The following KIF14 variants were observed in gnomAD, a reference collection of about 807,000 sequenced individuals.
KIF14 encodes the protein kinesin family member 14.
KIF14 carries 98 observed loss-of-function variants against 176.2 expected under a neutral mutation model. The observed-to-expected ratio is 0.56, with a 90% CI of 0.47 to 0.66. KIF14 has a LOEUF of 0.66. KIF14 is among the 30% of genes least tolerant of loss of function. The pLI is 0.00. For missense variants in KIF14, 1,751 were observed against 1,920.4 expected (o/e 0.91, Z 1.65); for synonymous variants, 566 against 632.2 (o/e 0.90, Z 1.57).
At position 200,606,750 on chromosome 1, in the gene KIF14, A is replaced by G. The variant is rs868084071; in HGVS notation, c.1603T>C (p.Ser535Pro). The change falls in exon 6 of 30, where the codon TCA becomes CCA. Residue 535 changes from serine (S) to proline (P), a missense_variant. By Grantham distance (74) the Ser-to-Pro change is moderately conservative. Transcript: ENST00000367350. Reference sequence around the variant, plus strand: ...CTTGCTGAGCCAAATACTTACATTGACAGTGCTTCAACATATGGTCCATAA... The same window carrying G: ...CTTGCTGAGCCAAATACTTACATTGGCAGTGCTTCAACATATGGTCCATAA... Reference protein sequence around the residue: ...PVYGPYVEALSMNIVSSYADI... With the variant: ...PVYGPYVEALPMNIVSSYADI... 3.7e-6 allele frequency: 6 copies of G among 1,613,218 alleles called. No individual in the cohort carries two copies. Among genetic ancestry groups the G allele is most frequent in the Non-Finnish European group, 5.1e-6 (6 of 1,179,560 alleles).
At chr1:200,567,849 A>C (rs781167845) in intron 23 of KIF14, among the ~76,000 whole-genome samples, 1 of 140,014 alleles carries the variant, frequency 7.1e-6, no homozygotes, top group African/African-American at 2.5e-5. Flanking sequence ...TTGTAAAGAG[A>C]AAAAAAAAAA....
intron 29 of KIF14, 34 bp from the exon 30 acceptor site, chr1:200,553,801 C>A (rs992828990): frequency 1.3e-6 from 2 of 1,535,990 alleles, no homozygotes; most frequent in Non-Finnish European, 1.8e-6. Context: ...AGTTAATTAG[C>A]CTTTTCAGTT....
At chr1:200,581,912 G>A (rs530265964) in intron 19 of KIF14, among the ~76,000 whole-genome samples, 44 of 151,900 alleles carry the variant, frequency 2.9e-4, no homozygotes, top group African/African-American at 9.2e-4. Flanking sequence ...TGGAACTACA[G>A]GTGCATGCCA....
intron 28 of KIF14, among the ~76,000 whole-genome samples, 171 bp downstream of exon 28, chr1:200,555,209 G>A (rs1458224172): frequency 1.3e-5 from 2 of 152,106 alleles, no homozygotes; most frequent in Non-Finnish European, 2.9e-5. Flanking sequence ...GAACTAGTAA[G>A]TTATGACACA....
At chr1:200,566,237 C>A (rs764331834) in intron 23 of KIF14, among the ~76,000 whole-genome samples, 18 of 151,974 alleles carry the variant, frequency 1.2e-4, no homozygotes, top group Admixed American at 3.3e-4. Context: ...CTGGGTTAAT[C>A]TCTTTCTTTA....
chr1:200,617,475 TA>T, intron 2 of KIF14, 136 bp downstream of exon 2: 2 of 800,046 alleles, frequency 2.5e-6, no homozygotes, highest in South Asian at 2.4e-5. Flanking sequence ...CAACTAGACC[TA>T]AAAGTTCTTT....
chr1:200,560,796 C>T lies in KIF14; in HGVS notation c.4156G>A (p.Gly1386Arg). 1.2e-6 allele frequency: 2 copies of T among 1,614,102 alleles called. No individual in the cohort carries two copies. Among genetic ancestry groups the T allele is most frequent in the Non-Finnish European group, 1.7e-6 (2 of 1,179,962 alleles). Residue 1386 changes from glycine (G) to arginine (R), a missense_variant, in exon 26 of 30, where the codon GGG becomes AGG. By Grantham distance (125) the Gly-to-Arg change is moderately radical. Transcript: ENST00000367350. ...CTCCCTTTCAGAACTGCTAACTGCC[C>T]CACATACTTTACAGCTTGTTGTACA... ...QIVQQAVKYV[G>R]QLAVLKGSKL...
chr1:200,602,757 T>C (rs1659687342), intron 10 of KIF14, among the ~76,000 whole-genome samples: 2 of 152,232 alleles, frequency 1.3e-5, no homozygotes, highest in African/African-American at 4.8e-5. Context: ...ATACATTCAC[T>C]AATGAAAACA....
At chr1:200,571,872 A>T (rs1338144756) in intron 22 of KIF14, among the ~76,000 whole-genome samples, 2 of 152,240 alleles carry the variant, frequency 1.3e-5, no homozygotes, top group Non-Finnish European at 2.9e-5. Flanking sequence ...CCCAAGTAAA[A>T]TGCTTGTCAT....
rs1410170799 is a variant in KIF14, at chr1:200,552,913, TATTTTATTTATTTATTTATTTATTTA to T, written c.*449_*474del. Reference sequence around the variant, plus strand: ...GTTAAACACTTTAAAGATAAAAATATATTTTATTTATTTATTTATTTATTTATTTATTTATTTATTTATTTATTTTG... The same window carrying T: ...GTTAAACACTTTAAAGATAAAAATATTTTATTTATTTATTTATTTATTTTG... On this transcript the variant is annotated 3_prime_UTR_variant, in exon 30 of 30. Coordinates refer to ENST00000367350, the MANE Select transcript of KIF14 (RefSeq NM_014875.3). 1.4e-5 allele frequency: 2 copies of T among 142,612 alleles called. No individual in the cohort carries two copies. The highest frequency in any genetic ancestry group is 2.0e-4 in the East Asian group (1 of 5,086). 8.8% of individuals were successfully genotyped at this position (142,612 alleles called of 1,614,324 possible).
At chr1:200,581,760 C>CTTTT (rs1558064089) in intron 19 of KIF14, among the ~76,000 whole-genome samples, 31 of 102,384 alleles carry the variant, frequency 3.0e-4, no homozygotes, top group East Asian at 2.1e-3. Flanking sequence ...ATTTCACTTT[C>CTTTT]CTTTTTTTTT....
chr1:200,557,008 T>A (rs1229292661), intron 27 of KIF14, among the ~76,000 whole-genome samples: 1 of 151,414 alleles, frequency 6.6e-6, no homozygotes, highest in Non-Finnish European at 1.5e-5. Flanking sequence ...TTTATTTATT[T>A]ATTTATTTAT....
chr1:200,559,970 G>C (rs937877091), intron 26 of KIF14, among the ~76,000 whole-genome samples: 9 of 152,092 alleles, frequency 5.9e-5, no homozygotes, highest in African/African-American at 2.2e-4. Context: ...GGCCAAGCTG[G>C]TCTTGAACTG....
chr1:200,593,727 A>G lies in KIF14; in HGVS notation c.2592T>C (p.Val864=). ...NFGGTVSIIP[V]GEAKTYVNGK... is the part of the protein sequence containing the mutation. ...CATTTACATATGTCTTTGCTTCCCC[A>G]ACTGGGATAATACTCACTGTCCCAC... is the stretch of plus-strand genomic sequence containing the variant. Residue 864 remains valine, a synonymous_variant, in exon 15 of 30, where the codon GTT becomes GTC. Transcript: ENST00000367350. The G allele has an allele frequency of 6.2e-7, 1 of 1,612,834 alleles. No homozygotes were observed. Among genetic ancestry groups the G allele is most frequent in the Non-Finnish European group, 8.5e-7 (1 of 1,179,150 alleles).
Position 200,590,224 on chromosome 1 carries a change from C to A in KIF14, c.2862G>T (p.Met954Ile). ...KEAQLKAKEE[M>I]MQGIQIAKEM... ...CTTTTGCAATCTGGATTCCTTGCAT[C>A]ATTTCTTCCTTTGCCTTCAACTGAG... The change falls in exon 17 of 30, where the codon ATG becomes ATT. Residue 954 changes from methionine to isoleucine, a missense_variant. By Grantham distance (10) the Met-to-Ile change is conservative (BLOSUM62 1). Transcript: ENST00000367350. 6.2e-7 allele frequency: 1 copy of A among 1,613,902 alleles called. No homozygotes were observed. The highest frequency in any genetic ancestry group is 8.5e-7 in the Non-Finnish European group (1 of 1,179,932).
chr1:200,561,278 T>C (rs7543059), intron 25 of KIF14, among the ~76,000 whole-genome samples: 43,252 of 148,102 alleles, frequency 0.29, 7,669 homozygotes, highest in Middle Eastern at 0.42. Flanking sequence ...CGGTGGCTCA[T>C]GCCTGTAATC....
At chr1:200,574,902 T>A (rs1658006804) in intron 22 of KIF14, among the ~76,000 whole-genome samples, 1 of 151,812 alleles carries the variant, frequency 6.6e-6, no homozygotes, top group Non-Finnish European at 1.5e-5. Flanking sequence ...TACAAGAAAA[T>A]ATCATAGAAT....
intron 4 of KIF14, among the ~76,000 whole-genome samples, chr1:200,611,790 A>G (rs766149304): frequency 6.6e-6 from 1 of 152,178 alleles, no homozygotes; most frequent in Admixed American, 6.5e-5. Flanking sequence ...AGTTGGGCTC[A>G]CTATGTGCCA....
At chr1:200,588,762 G>C (rs1364207901) in intron 18 of KIF14, among the ~76,000 whole-genome samples, 2 of 152,296 alleles carry the variant, frequency 1.3e-5, no homozygotes, top group Non-Finnish European at 1.5e-5. Context: ...AAGCAGGCAG[G>C]TGCCTGAGCT....
Sources: gnomAD v4.1 joint callset for allele counts (sites outside exome capture counted in the v4.1 genomes callset) on GRCh38, gnomAD v4.1.1 for gene constraint, MANE v1.5 for transcripts, NCBI Gene and HGNC (gene_info 2026-07-23, HGNC 2026-07-21) for gene names.